Variants in CDH12 observed in about 807,000 individuals in gnomAD.
CDH12 encodes the protein cadherin 12.
CDH12 carries 41 observed loss-of-function variants against 74.1 expected under a neutral mutation model. The ratio of observed to expected loss-of-function variants is 0.55; its 90% CI spans 0.43 to 0.72. The LOEUF (loss-of-function observed/expected upper bound fraction) is 0.72. CDH12 is among the 30% of genes least tolerant of loss of function. The probability of loss-of-function intolerance (pLI) is 0.00; values close to 1 mark genes in which losing one functional copy is unlikely to be tolerated. For missense variants in CDH12, 945 were observed against 977.2 expected, an observed-to-expected ratio of 0.97 and a Z score of 0.44; for synonymous variants, 399 against 355.0, an observed-to-expected ratio of 1.12 and a Z score of -1.39.
At chr5:22,148,913 G>A (rs898489261) in intron 4 of CDH12, among the ~76,000 whole-genome samples, 1 of 152,204 alleles carries the variant, frequency 6.6e-6, no homozygotes, top group Non-Finnish European at 1.5e-5. Context: ...GAGGTCAGGA[G>A]TTTAAGACCA....
chr5:21,980,114 G>A (rs533852924), intron 5 of CDH12, among the ~76,000 whole-genome samples: 20 of 148,062 alleles, frequency 1.4e-4, no homozygotes, highest in African/African-American at 3.8e-4. Flanking sequence ...CATGTCCTTC[G>A]CCCACTTCAT....
chr5:22,065,973 G>T (rs996665223), intron 5 of CDH12, among the ~76,000 whole-genome samples: 5 of 150,294 alleles, frequency 3.3e-5, no homozygotes, highest in Non-Finnish European at 5.9e-5. Context: ...CAAACAGAAA[G>T]GTTCTAGGTC....
intron 5 of CDH12, among the ~76,000 whole-genome samples, chr5:22,052,908 A>G (rs1479241056): frequency 6.6e-6 from 1 of 152,108 alleles, no homozygotes; most frequent in Non-Finnish European, 1.5e-5. Context: ...GGAATATATC[A>G]TTGTATATTT....
intron 3 of CDH12, among the ~76,000 whole-genome samples, chr5:22,286,539 A>AT (rs1235394103): frequency 3.3e-5 from 5 of 152,156 alleles, no homozygotes; most frequent in Non-Finnish European, 5.9e-5. Flanking sequence ...AGTAATATCC[A>AT]TTTTTTTGTG....
intron 9 of CDH12, among the ~76,000 whole-genome samples, chr5:21,809,689 C>A (rs1223402557): frequency 6.6e-6 from 1 of 152,072 alleles, no homozygotes; most frequent in African/African-American, 2.4e-5. Flanking sequence ...AAACAGTAAA[C>A]CAACAGAAGA....
chr5:21,995,520 A>C (rs535214909), intron 5 of CDH12, among the ~76,000 whole-genome samples: 1 of 151,974 alleles, frequency 6.6e-6, no homozygotes, highest in East Asian at 1.9e-4. Context: ...GCATTTTTTA[A>C]AACAGGGGAT....
chr5:21,960,145 A>G, intron 6 of CDH12, among the ~76,000 whole-genome samples: 1 of 152,090 alleles, frequency 6.6e-6, no homozygotes, highest in Non-Finnish European at 1.5e-5. Context: ...TAGAAAATTA[A>G]CAATGATATT....
At chr5:21,843,049 G>A (rs1271034257) in intron 7 of CDH12, among the ~76,000 whole-genome samples, 1 of 152,016 alleles carries the variant, frequency 6.6e-6, no homozygotes, top group Non-Finnish European at 1.5e-5. Flanking sequence ...CTCATTTCCT[G>A]CCCTGGTGTC....
chr5:22,343,323 C>CACAGAG (rs1378956871), intron 3 of CDH12, among the ~76,000 whole-genome samples: 37 of 136,346 alleles, frequency 2.7e-4, no homozygotes, highest in African/African-American at 9.6e-4. Context: ...GACACACACA[C>CACAGAG]AGAGAGAGAG....
chr5:22,532,848 T>A (rs1737656187), intron 1 of CDH12, among the ~76,000 whole-genome samples: 1 of 152,020 alleles, frequency 6.6e-6, no homozygotes, highest in African/African-American at 2.4e-5. Flanking sequence ...TAATCAAAAA[T>A]TTTAAATACT....
At chr5:21,831,768 G>A (rs368134435) in intron 8 of CDH12, among the ~76,000 whole-genome samples, 1 of 151,976 alleles carries the variant, frequency 6.6e-6, no homozygotes, top group African/African-American at 2.4e-5. Context: ...CCAAAAGGTG[G>A]GGATAGAAGA....
intron 2 of CDH12, among the ~76,000 whole-genome samples, chr5:22,443,912 A>T (rs1744720993): frequency 6.6e-6 from 1 of 152,058 alleles, no homozygotes. Context: ...ATGTACTTGC[A>T]CATGTGTTTG....
intron 3 of CDH12, among the ~76,000 whole-genome samples, chr5:22,319,489 T>C (rs998065727): frequency 2.0e-5 from 3 of 152,168 alleles, no homozygotes; most frequent in Non-Finnish European, 2.9e-5. Flanking sequence ...CAAACTTCTT[T>C]GCTTCTAAGA....
At chr5:22,353,963 C>G (rs1437178726) in intron 3 of CDH12, among the ~76,000 whole-genome samples, 1 of 152,142 alleles carries the variant, frequency 6.6e-6, no homozygotes, top group African/African-American at 2.4e-5. Context: ...TGTGCAGATG[C>G]TGAAACATTT....
chr5:22,725,086 G>A lies in CDH12; in HGVS notation c.-523+127972C>T, dbSNP rs567878145. Among the ~76,000 whole-genome samples, 176 of 151,796 alleles carry A rather than the reference G, an allele frequency of 1.2e-3. 2 individuals are homozygous for A. Among genetic ancestry groups the A allele is most frequent in the Middle Eastern group, 6.8e-3 (2 of 294 alleles). On this transcript the variant is annotated intron_variant, in intron 1 of 14. Transcript: ENST00000382254. ...CTTTCATGTTTATTTCTATGAACTG[G>A]AATATAGTAAAACATGAGAAAAATC...
intron 8 of CDH12, among the ~76,000 whole-genome samples, chr5:21,834,638 C>A (rs891500588): frequency 6.6e-6 from 1 of 151,834 alleles, no homozygotes; most frequent in Non-Finnish European, 1.5e-5. Flanking sequence ...TAGAAACGAA[C>A]GTATATTTGT....
At chr5:21,851,412 T>C (rs1750459716) in intron 7 of CDH12, among the ~76,000 whole-genome samples, 1 of 150,690 alleles carries the variant, frequency 6.6e-6, no homozygotes, top group Non-Finnish European at 1.5e-5. Context: ...GTTTAATGTT[T>C]TATAGATTAT....
intron 1 of CDH12, chr5:22,639,129 G>T (rs933862774): frequency 3.5e-5 from 5 of 143,516 alleles, no homozygotes; most frequent in Non-Finnish European, 7.5e-5. Context: ...AATTGCCAGT[G>T]AACTGAATAG....
chr5:22,188,214 C>T (rs1211738240), intron 4 of CDH12, among the ~76,000 whole-genome samples: 1 of 151,974 alleles, frequency 6.6e-6, no homozygotes, highest in Non-Finnish European at 1.5e-5. Flanking sequence ...GGATTACTTC[C>T]CTTGGGAATG....
Sources: gnomAD v4.1 joint callset for allele counts (sites outside exome capture counted in the v4.1 genomes callset) on GRCh38, gnomAD v4.1.1 for gene constraint, MANE v1.5 for transcripts, NCBI Gene and HGNC (gene_info 2026-07-23, HGNC 2026-07-21) for gene names.